Variants in F8 observed in about 807,000 individuals in gnomAD.
F8 encodes antihemophilic factor.
In F8, 12 loss-of-function variants were observed where a neutral mutation model predicts 140.6. That is an observed-to-expected ratio of 0.09 (90% CI 0.05 to 0.14). F8 has a LOEUF of 0.14. Among genes scored for constraint, F8 ranks in the 10% least tolerant of loss-of-function variants. The pLI, the probability that F8 is intolerant of heterozygous loss-of-function variation, is 1.00. For synonymous variants in F8, 585 were observed against 614.6 expected (o/e 0.95, Z 0.71); for missense variants, 1,354 against 1,720.7 (o/e 0.79, Z 3.77).
intron 3 of F8, among the ~76,000 whole-genome samples, chrX:154,993,809 AAG>A (rs1314965947): frequency 1.8e-5 from 2 of 112,655 alleles, no homozygotes; most frequent in African/African-American, 3.2e-5. Context: ...AACAGTAAGA[AAG>A]AGAGATTTAA....
chrX:154,982,372 CG>C (rs1404787899), intron 6 of F8, among the ~76,000 whole-genome samples: 5 of 100,851 alleles, frequency 5.0e-5, no homozygotes, highest in Non-Finnish European at 4.0e-5. Context: ...GCGTGAACCC[CG>C]GGGGGCAGAG....
At chrX:154,979,912 C>T (rs2073508820) in intron 6 of F8, among the ~76,000 whole-genome samples, 1 of 111,651 alleles carries the variant, frequency 9.0e-6, no homozygotes, top group Non-Finnish European at 1.9e-5. Context: ...TCTGTGCTGT[C>T]AAGGAATAAG....
chrX:154,838,540 GGACA>G (rs1462134223), intron 25 of F8, among the ~76,000 whole-genome samples: 5 of 111,938 alleles, frequency 4.5e-5, no homozygotes, highest in African/African-American at 1.6e-4. Context: ...GCTCTTGCAA[GGACA>G]GACAGACACC....
chrX:155,001,040 G>A lies in F8; in HGVS notation c.144-1440C>T, dbSNP rs782034014. ...ACCAGGATGTGGAATGAATAAGAAG[G>A]GGTCTGGGCATTTATCACTTGTTTA... On this transcript the variant is annotated intron_variant, in intron 1 of 25. Coordinates refer to ENST00000360256, the MANE Select transcript of F8 (RefSeq NM_000132.4). 3.6e-5 allele frequency among the ~76,000 whole-genome samples: 4 copies of A among 111,522 alleles called. No homozygotes were observed. The South Asian group carries it at 1.5e-3, about 42-fold the overall frequency.
intron 14 of F8, among the ~76,000 whole-genome samples, chrX:154,924,306 G>A (rs1044056812): frequency 8.9e-6 from 1 of 111,843 alleles, no homozygotes; most frequent in African/African-American, 3.3e-5. Flanking sequence ...AAGACGACAG[G>A]AAAATGTGGA....
rs782297023 is a variant in F8, at chrX:154,957,169, C to T, written c.1540G>A (p.Val514Ile). Residue 514 changes from valine (V) to isoleucine (I), a missense_variant and splice_region_variant, in exon 11 of 26, where the codon GTA becomes ATA. By Grantham distance (29) the Val-to-Ile change is conservative. This residue lies in a region of F8 where 252 missense variants were observed against 338.5 expected (regional missense o/e 0.74). Transcript: ENST00000360256. ...ATTGGAAAATCCTTCAAATGTTTTA[C>T]ACCTACCCACAAGCAAAACCATAAA... The part of the protein sequence containing the change: ...PLYSRRLPKG[V>I]KHLKDFPILP... The T allele has an allele frequency of 3.5e-5, 42 of 1,191,924 alleles. No homozygotes were observed. Among genetic ancestry groups the T allele is most frequent in the Non-Finnish European group, 4.3e-5 (38 of 880,048 alleles).
At chrX:154,919,256 T>C (rs782761165) in intron 14 of F8, among the ~76,000 whole-genome samples, 1 of 111,906 alleles carries the variant, frequency 8.9e-6, no homozygotes, top group African/African-American at 3.2e-5. Flanking sequence ...TTTAACTTTG[T>C]TTGCTCTTTA....
chrX:154,982,243 C>T (rs1350476348), intron 6 of F8, among the ~76,000 whole-genome samples: 13 of 105,466 alleles, frequency 1.2e-4, no homozygotes, highest in East Asian at 8.9e-4. Context: ...GTCAGGAGAT[C>T]GAGACCATCC....
At chrX:154,982,396 T>G (rs1450066354) in intron 6 of F8, among the ~76,000 whole-genome samples, 2 of 96,119 alleles carry the variant, frequency 2.1e-5, no homozygotes, top group Admixed American at 1.2e-4. Flanking sequence ...TGCAGTGAGC[T>G]GAGATTGCGC....
chrX:154,852,266 C>T (rs781997315), intron 25 of F8, among the ~76,000 whole-genome samples: 6 of 110,588 alleles, frequency 5.4e-5, no homozygotes, highest in Non-Finnish European at 9.5e-5. Flanking sequence ...GATACAGAGT[C>T]TCACTGTGTT....
At chrX:155,004,048 A>C (rs1160488459) in intron 1 of F8, among the ~76,000 whole-genome samples, 1 of 110,334 alleles carries the variant, frequency 9.1e-6, no homozygotes, top group African/African-American at 3.3e-5. Context: ...TTCAAACTCC[A>C]GAAAATCAAA....
chrX:154,847,799 T>A (rs1396951590), intron 25 of F8, among the ~76,000 whole-genome samples: 407 of 86,121 alleles, frequency 4.7e-3, no homozygotes, highest in Admixed American at 9.8e-3. Flanking sequence ...CAAAGTCATT[T>A]TCTGTCCAGC....
chrX:154,847,290 T>C (rs2072574997), intron 25 of F8, among the ~76,000 whole-genome samples: 1 of 110,586 alleles, frequency 9.0e-6, no homozygotes, highest in Admixed American at 9.7e-5. Context: ...AGGAGTATCT[T>C]TGTGGCGTTC....
rs143962361 is a variant in F8, at chrX:154,916,875, T to C, written c.5220-10302A>G. On this transcript the variant is annotated intron_variant, in intron 14 of 25. Coordinates refer to ENST00000360256, the MANE Select transcript of F8 (RefSeq NM_000132.4). ...TGTTTTTCTATGTCCTTGAGTTACA[T>C]CATTACCAGGTTTATTTGAGTCTTT... 9.7e-3 allele frequency among the ~76,000 whole-genome samples: 1,083 copies of C among 111,202 alleles called. 16 individuals carry two copies. The highest frequency in any genetic ancestry group is 0.014 in the Non-Finnish European group (714 of 52,855).
At chrX:154,974,575 T>C (rs1557282833) in intron 6 of F8, among the ~76,000 whole-genome samples, 1 of 110,485 alleles carries the variant, frequency 9.1e-6, no homozygotes, top group East Asian at 2.8e-4. Context: ...TTGTCTGGTT[T>C]TGGGATCAGG....
chrX:154,945,410 C>G (rs1412316260), intron 13 of F8, among the ~76,000 whole-genome samples: 2 of 111,718 alleles, frequency 1.8e-5, no homozygotes, highest in African/African-American at 6.5e-5. Context: ...TCATCATGAT[C>G]AAGGGGGATT....
intron 1 of F8, among the ~76,000 whole-genome samples, chrX:155,017,497 C>T (rs1282506069): frequency 8.9e-6 from 1 of 112,333 alleles, no homozygotes; most frequent in Non-Finnish European, 1.9e-5. Context: ...CAATTAAAAT[C>T]ATACGTCTAG....
At chrX:154,841,099 G>A (rs781884546) in intron 25 of F8, among the ~76,000 whole-genome samples, 1 of 110,866 alleles carries the variant, frequency 9.0e-6, no homozygotes, top group East Asian at 2.8e-4. Context: ...GTTGATAAAT[G>A]GAAGTGTAAT....
intron 22 of F8, among the ~76,000 whole-genome samples, chrX:154,878,805 G>A (rs782723554): frequency 8.9e-6 from 1 of 112,011 alleles, no homozygotes; most frequent in African/African-American, 3.2e-5. Flanking sequence ...TAAGATCAAC[G>A]TGCAAAAATC....
Sources: gnomAD v4.1 joint callset for allele counts (sites outside exome capture counted in the v4.1 genomes callset) on GRCh38, gnomAD v4.1.1 for gene constraint, gnomAD v4.1.1 regional missense constraint, MANE v1.5 for transcripts, NCBI Gene and HGNC (gene_info 2026-07-23, HGNC 2026-07-21) for gene names.